The following ERI1 variants were observed in gnomAD, a reference collection of about 807,000 sequenced individuals.
ERI1 encodes exoribonuclease 1, also known as 3'-5' exoribonuclease 1.
A neutral mutation model predicts 39.7 loss-of-function variants in ERI1; 39 were observed. The ratio of observed to expected loss-of-function variants is 0.98; its 90% confidence interval spans 0.76 to 1.28. The LOEUF (loss-of-function observed/expected upper bound fraction) is 1.28, where lower values mean the gene tolerates loss of function less well. Among genes scored for constraint, ERI1 ranks in the 50% most tolerant of loss-of-function variants. The pLI is 0.00. For missense variants in ERI1, 581 were observed against 416.9 expected (o/e 1.39, Z -3.43); for synonymous variants, 204 against 149.6 (o/e 1.36, Z -2.65).
At chr8:9,090,663 C>T (rs910253055) in intron 3 of ERI1, among the ~76,000 whole-genome samples, 2 of 152,112 alleles carry the variant, frequency 1.3e-5, no homozygotes, top group Non-Finnish European at 2.9e-5. Context: ...CTGGGGTCCT[C>T]CTCTATAGAT....
chr8:9,049,336 C>CAAAAAAAAAAAAAAAAAAAAAAAAAAAAA (rs3989371), intron 3 of ERI1, among the ~76,000 whole-genome samples: 4 of 33,244 alleles, frequency 1.2e-4, no homozygotes, highest in Non-Finnish European at 2.1e-4. Flanking sequence ...ACTCCGTCTC[C>CAAAAAAAAAAAAAAAAAAAAAAAAAAAAA]AAAAAAAAAA....
chr8:9,037,647 C>G (rs9329176), downstream of ERI1, among the ~76,000 whole-genome samples: 47,905 of 151,904 alleles, frequency 0.32, 8,200 homozygotes, highest in African/African-American at 0.42. Context: ...GTACCTGTTC[C>G]TGAAATTGCA....
At chr8:9,096,383 C>T (rs1489848068) in intron 3 of ERI1, among the ~76,000 whole-genome samples, 2 of 152,162 alleles carry the variant, frequency 1.3e-5, no homozygotes, top group African/African-American at 4.8e-5. Context: ...AGGACACCTA[C>T]CCTTGGTTCT....
chr8:9,067,064 C>G (rs1040052684), intron 3 of ERI1, among the ~76,000 whole-genome samples: 2 of 152,212 alleles, frequency 1.3e-5, no homozygotes, highest in Non-Finnish European at 2.9e-5. Flanking sequence ...AAAAAGAAAT[C>G]ATTCTCATTG....
intron 3 of ERI1, among the ~76,000 whole-genome samples, chr8:9,081,668 CTCT>C (rs923160467): frequency 2.7e-5 from 4 of 150,534 alleles, no homozygotes; most frequent in Non-Finnish European, 5.9e-5. Flanking sequence ...TCTTCCTTTC[CTCT>C]TCTTCTTCTT....
At chr8:9,060,838 G>T (rs1798670102) in intron 3 of ERI1, among the ~76,000 whole-genome samples, 1 of 152,192 alleles carries the variant, frequency 6.6e-6, no homozygotes, top group African/African-American at 2.4e-5. Context: ...GATGCGTTTT[G>T]ATGCCCCTTG....
chr8:9,081,643 A>G (rs1386137615), intron 3 of ERI1, among the ~76,000 whole-genome samples: 1 of 151,038 alleles, frequency 6.6e-6, no homozygotes, highest in Admixed American at 6.6e-5. Flanking sequence ...GGGAACACTT[A>G]AAACAACTCC....
At position 9,031,136 on chromosome 8, in the gene ERI1, A is replaced by C. The variant is rs568703355; in HGVS notation, c.*1102A>C. ...TTTCTCCTTGTAGCTTTCAGGGAACAATTTCATTGACATTGCTTGCTTCCT... is the reference window on the plus strand; with the variant it reads ...TTTCTCCTTGTAGCTTTCAGGGAACCATTTCATTGACATTGCTTGCTTCCT... On this transcript the variant is annotated 3_prime_UTR_variant, in exon 7 of 7. Coordinates refer to ENST00000250263, the MANE Select transcript of ERI1 (RefSeq NM_153332.4). 3.3e-5 allele frequency: 5 copies of C among 152,332 alleles called. No homozygotes were observed. The highest frequency in any genetic ancestry group is 1.2e-4 in the African/African-American group (5 of 41,582). 9.4% of individuals were successfully genotyped at this position (152,332 alleles called of 1,614,324 possible).
Position 9,003,152 on chromosome 8 carries a change from C to A in ERI1, c.89C>A (p.Pro30Gln). 1 of 1,243,842 alleles carries A rather than the reference C, an allele frequency of 8.0e-7. No homozygotes were observed. The highest frequency in any genetic ancestry group is 1.0e-6 in the Non-Finnish European group (1 of 990,968). The allele number at this position is 1,243,842 out of a possible 1,614,324, so 77.1% of individuals were successfully genotyped here. A position where few individuals can be genotyped will look rare whatever the true frequency, so the allele number is the denominator to read the frequency against. ...ESPRPEGGEE[P>Q]PRPSPEETQQ... ...CCGCGGCCGGAGGGCGGGGAGGAGC[C>A]GCCGCGTCCCAGTCCCGAGGTGAGG... Residue 30 changes from proline to glutamine, a missense_variant, in exon 1 of 7, where the codon CCG becomes CAG. Transcript: ENST00000250263.
At chr8:9,024,061 A>T (rs1018218168) in intron 6 of ERI1, among the ~76,000 whole-genome samples, 27 of 152,110 alleles carry the variant, frequency 1.8e-4, no homozygotes, top group Admixed American at 1.5e-3. Context: ...TGGCCGTCCA[A>T]AGTGCTGGAA....
intron 3 of ERI1, among the ~76,000 whole-genome samples, chr8:9,088,967 G>A (rs1287506865): frequency 6.6e-6 from 1 of 152,172 alleles, no homozygotes; most frequent in African/African-American, 2.4e-5. Context: ...TAAGCTGCAG[G>A]GTTAGCACGT....
chr8:9,076,542 C>T (rs1396212967), intron 3 of ERI1, among the ~76,000 whole-genome samples: 1 of 152,152 alleles, frequency 6.6e-6, no homozygotes, highest in African/African-American at 2.4e-5. Flanking sequence ...ATAAAGTTAC[C>T]CAGTAAGGAA....
At chr8:9,093,233 C>T (rs1301673868) in intron 3 of ERI1, among the ~76,000 whole-genome samples, 2 of 152,088 alleles carry the variant, frequency 1.3e-5, no homozygotes, top group Non-Finnish European at 2.9e-5. Flanking sequence ...AATACACTAA[C>T]ACTAATGAAA....
At chr8:9,072,113 T>A (rs768570287) in intron 3 of ERI1, among the ~76,000 whole-genome samples, 1 of 152,132 alleles carries the variant, frequency 6.6e-6, no homozygotes, top group Non-Finnish European at 1.5e-5. Flanking sequence ...TTCTCCTAAG[T>A]GGAAATGAAA....
chr8:9,052,348 C>G (rs187013984), intron 3 of ERI1, among the ~76,000 whole-genome samples: 1 of 151,718 alleles, frequency 6.6e-6, no homozygotes, highest in East Asian at 1.9e-4. Context: ...CCCCTTTAAG[C>G]AAAATTGAGT....
Position 9,029,754 on chromosome 8 carries a change from A to G in ERI1, c.808-38A>G, listed in dbSNP as rs771237960. 6 of 1,611,886 alleles carry G rather than the reference A, an allele frequency of 3.7e-6. No homozygotes were observed. In the Admixed American group the frequency reaches 8.3e-5, roughly 22 times the overall value. Reference sequence around the variant, plus strand: ...ACTGTGGCTTATATTACAGTTTAGAACACCAAAGAATTATTTACTAAGCTG... The same window carrying G: ...ACTGTGGCTTATATTACAGTTTAGAGCACCAAAGAATTATTTACTAAGCTG... On this transcript the variant is annotated intron_variant, in intron 6 of 6. Coordinates refer to ENST00000250263, the MANE Select transcript of ERI1 (RefSeq NM_153332.4).
At chr8:9,084,462 T>C (rs999403934) in intron 3 of ERI1, among the ~76,000 whole-genome samples, 4 of 152,220 alleles carry the variant, frequency 2.6e-5, no homozygotes, top group African/African-American at 9.7e-5. Context: ...ACGTTTATCA[T>C]TGTGTAGTTG....
rs1279162284 is a variant in ERI1 at position 9,004,684 on chromosome 8, C to CT, written c.108+1531dup. ...GTCTCAAAAAATAATAGTAATGATA[C>CT]TTTTTTTTTTTTTTTTTTGGAGACG... On this transcript the variant is annotated intron_variant, in intron 1 of 6. Coordinates refer to ENST00000250263, the MANE Select transcript of ERI1 (RefSeq NM_153332.4). Among the ~76,000 whole-genome samples, 561 of 126,760 alleles carry CT rather than the reference C, an allele frequency of 4.4e-3. 2 individuals are homozygous for CT. Among genetic ancestry groups the CT allele is most frequent in the African/African-American group, 8.1e-3 (274 of 33,950 alleles). 83.2% of individuals were successfully genotyped at this position (126,760 alleles called of 152,430 possible).
At chr8:9,038,262 A>G (rs1244032960), downstream of ERI1, among the ~76,000 whole-genome samples, 3 of 152,190 alleles carry the variant, frequency 2.0e-5, no homozygotes, top group African/African-American at 4.8e-5. Context: ...AATGTAATAC[A>G]GTAGTCCCCT....
Sources: allele counts gnomAD v4.1 joint callset (sites outside exome capture counted in the v4.1 genomes callset), GRCh38; gene constraint gnomAD v4.1.1; transcripts MANE v1.5; gene names NCBI Gene and HGNC (gene_info 2026-07-23, HGNC 2026-07-21).